The following CPS1 variants were observed in gnomAD, a reference collection of about 807,000 sequenced individuals.
The protein encoded by CPS1 is carbamoyl-phosphate synthase 1.
A neutral mutation model predicts 174.6 loss-of-function variants in CPS1; 109 were observed. The observed-to-expected ratio is 0.62, with a 90% confidence interval of 0.53 to 0.73. The LOEUF (loss-of-function observed/expected upper bound fraction) is 0.73, where lower values mean the gene tolerates loss of function less well. Ranked by LOEUF, CPS1 falls within the 30% of genes least tolerant of loss-of-function variation. The pLI is 0.00. For synonymous variants in CPS1, 637 were observed against 632.0 expected (o/e 1.01, Z -0.12); for missense variants, 1,689 against 1,821.9 (o/e 0.93, Z 1.33).
intron 21 of CPS1, among the ~76,000 whole-genome samples, chr2:210,622,853 C>T (rs956911576): frequency 4.0e-5 from 6 of 150,054 alleles, no homozygotes; most frequent in Admixed American, 2.7e-4. Flanking sequence ...ATCCCTCTGG[C>T]TGTAACTGTT....
At chr2:210,537,693 G>A (rs1445351516) in intron 1 of CPS1, among the ~76,000 whole-genome samples, 2 of 152,120 alleles carry the variant, frequency 1.3e-5, no homozygotes, top group Non-Finnish European at 2.9e-5. Flanking sequence ...TTATAAAACA[G>A]CAATGATTAT....
intron 1 of CPS1, among the ~76,000 whole-genome samples, chr2:210,495,039 T>G (rs1053827552): frequency 1.3e-5 from 2 of 152,214 alleles, no homozygotes; most frequent in Non-Finnish European, 2.9e-5. Flanking sequence ...ACACTCCAGG[T>G]GATTCTAATA....
intron 1 of CPS1, among the ~76,000 whole-genome samples, chr2:210,523,550 G>T (rs554586735): frequency 2.4e-4 from 36 of 151,892 alleles, no homozygotes; most frequent in African/African-American, 8.7e-4. Context: ...CTGTGTCCAC[G>T]TGGACGCATT....
At chr2:210,580,530 A>T (rs982447375) in intron 5 of CPS1, among the ~76,000 whole-genome samples, 2 of 152,086 alleles carry the variant, frequency 1.3e-5, no homozygotes, top group African/African-American at 4.8e-5. Flanking sequence ...ACTAAATATA[A>T]TTACATAAAA....
At chr2:210,495,077 A>T (rs112213397) in intron 1 of CPS1, among the ~76,000 whole-genome samples, 2,455 of 152,336 alleles carry the variant, frequency 0.016, 52 homozygotes, top group Middle Eastern at 0.051. Flanking sequence ...ATCATTGGTA[A>T]AATGGATGCA....
At chr2:210,633,219 G>A (rs1333791697) in intron 21 of CPS1, among the ~76,000 whole-genome samples, 1 of 151,996 alleles carries the variant, frequency 6.6e-6, no homozygotes, top group Non-Finnish European at 1.5e-5. Flanking sequence ...GAAATGCTAT[G>A]GGCAGGGGAG....
intron 1 of CPS1, among the ~76,000 whole-genome samples, chr2:210,528,337 A>C (rs1375103830): frequency 6.6e-6 from 1 of 151,922 alleles, no homozygotes; most frequent in Non-Finnish European, 1.5e-5. Context: ...TTACACTTAT[A>C]CATTATTTCT....
At chr2:210,587,566 A>T (rs545621810) in intron 6 of CPS1, among the ~76,000 whole-genome samples, 2 of 132,764 alleles carry the variant, frequency 1.5e-5, no homozygotes, top group African/African-American at 5.0e-5. Flanking sequence ...TGTGACTCTT[A>T]TACTGATTTT....
Position 210,642,644 on chromosome 2 carries a change from C to T in CPS1, c.3120C>T (p.Ile1040=), listed in dbSNP as rs1048968694. The T allele has an allele frequency of 6.2e-7, 1 of 1,613,632 alleles. No individual in the cohort carries two copies. Among genetic ancestry groups the T allele is most frequent in the Non-Finnish European group, 8.5e-7 (1 of 1,179,906 alleles). Residue 1040 remains isoleucine, a synonymous_variant, in exon 25 of 38, where the codon ATC becomes ATT. Coordinates refer to ENST00000233072, the MANE Select transcript of CPS1 (RefSeq NM_001875.5). ...TTGAAGAGTTGTCCTTGGAGAGAAT[C>T]CTAGACATCTACCATCAGGAGGTAA... ...LYFEELSLER[I]LDIYHQEACG... is the part of the protein sequence containing the mutation.
upstream of CPS1, among the ~76,000 whole-genome samples, chr2:210,555,122 G>A (rs891862015): frequency 4.0e-5 from 6 of 151,848 alleles, no homozygotes; most frequent in African/African-American, 1.5e-4. Context: ...CCATGATATG[G>A]TACCTTTTCA....
At chr2:210,627,243 G>A (rs1235549622) in intron 21 of CPS1, among the ~76,000 whole-genome samples, 1 of 152,138 alleles carries the variant, frequency 6.6e-6, no homozygotes, top group Admixed American at 6.5e-5. Flanking sequence ...TTTGAAAAAT[G>A]TAAACAGGAT....
At chr2:210,523,418 C>G (rs1695881363) in intron 1 of CPS1, among the ~76,000 whole-genome samples, 1 of 151,850 alleles carries the variant, frequency 6.6e-6, no homozygotes, top group South Asian at 2.1e-4. Context: ...GCAATATATC[C>G]ATGGGTTTAG....
chr2:210,529,010 G>C (rs1378973662), intron 1 of CPS1, among the ~76,000 whole-genome samples: 4 of 151,774 alleles, frequency 2.6e-5, no homozygotes, highest in Admixed American at 2.6e-4. Context: ...ATTATTATAT[G>C]TTTGGCTTTA....
At chr2:210,511,862 A>G (rs570062575) in intron 1 of CPS1, among the ~76,000 whole-genome samples, 1 of 152,210 alleles carries the variant, frequency 6.6e-6, no homozygotes, top group Admixed American at 6.6e-5. Context: ...TTATTTACAC[A>G]TTGTGGTTTC....
intron 23 of CPS1, 45 bp from the exon 24 acceptor site, chr2:210,639,951 A>G (rs1383540502): frequency 7.4e-7 from 1 of 1,344,608 alleles, no homozygotes; most frequent in Non-Finnish European, 1.1e-6. Flanking sequence ...AAATGGAATA[A>G]TAACACTTAA....
At chr2:210,604,932 A>T in intron 16 of CPS1, 170 bp from the exon 17 acceptor site, 1 of 673,122 alleles carries the variant, frequency 1.5e-6, no homozygotes, top group Non-Finnish European at 2.6e-6. Context: ...TGCTATTCCT[A>T]GTACCTCACT....
At chr2:210,614,885 G>A (rs11889880) in intron 20 of CPS1, among the ~76,000 whole-genome samples, 17,674 of 151,592 alleles carry the variant, frequency 0.12, 1,134 homozygotes, top group East Asian at 0.26. Flanking sequence ...GGCCTGTCGG[G>A]GGGTGGGGAG....
At chr2:210,481,020 G>C (rs992582707) in intron 1 of CPS1, among the ~76,000 whole-genome samples, 1 of 152,162 alleles carries the variant, frequency 6.6e-6, no homozygotes. Flanking sequence ...TATGGCACTG[G>C]CAGCCTTTCC....
At chr2:210,673,821 T>A (rs1243430088) in intron 34 of CPS1, 2 of 152,164 alleles carry the variant, frequency 1.3e-5, no homozygotes, top group African/African-American at 4.8e-5. Flanking sequence ...GTTCAACAGA[T>A]GAGGAAACTG....
Sources: allele counts gnomAD v4.1 joint callset (sites outside exome capture counted in the v4.1 genomes callset), GRCh38; gene constraint gnomAD v4.1.1; transcripts MANE v1.5; gene names NCBI Gene and HGNC (gene_info 2026-07-23, HGNC 2026-07-21).